Variants in BCAS3 observed in about 807,000 individuals in gnomAD.
The protein encoded by BCAS3 is BCAS3 microtubule associated cell migration factor.
A neutral mutation model predicts 116.1 loss-of-function variants in BCAS3; 53 were observed. The observed-to-expected ratio is 0.46, with a 90% CI of 0.37 to 0.57. The LOEUF (loss-of-function observed/expected upper bound fraction) is 0.57, where lower values mean the gene tolerates loss of function less well. BCAS3 is among the 20% of genes least tolerant of loss of function. BCAS3 has a pLI of 0.00. For synonymous variants in BCAS3, 391 were observed against 408.2 expected (o/e 0.96, Z 0.51); for missense variants, 917 against 1,165.4 (o/e 0.79, Z 3.10).
At chr17:60,872,439 G>GTA in intron 8 of BCAS3, among the ~76,000 whole-genome samples, 1 of 144,978 alleles carries the variant, frequency 6.9e-6, no homozygotes. Context: ...ATATCTGTAT[G>GTA]TATATATACA....
chr17:61,354,901 G>T lies in BCAS3; in HGVS notation c.2426-13426G>T, dbSNP rs1444847849. 6.6e-6 allele frequency: 1 copy of T among 152,294 alleles called. No homozygotes were observed. The allele number at this position is 152,294 out of a possible 1,614,324, so 9.4% of individuals were successfully genotyped here. ...CTCCAGTACCGGCAGGCACATCCGGGACCCTCCCCTTCAGGGCAGGTGGAC... is the reference window on the plus strand; with the variant it reads ...CTCCAGTACCGGCAGGCACATCCGGTACCCTCCCCTTCAGGGCAGGTGGAC... On this transcript the variant is annotated intron_variant, in intron 22 of 23. Transcript: ENST00000407086. The surrounding 1 kb of genome is among the most constrained non-coding windows in gnomAD (Gnocchi z 4.5).
At chr17:61,064,518 G>A (rs755934943) in intron 19 of BCAS3, among the ~76,000 whole-genome samples, 2 of 152,090 alleles carry the variant, frequency 1.3e-5, no homozygotes, top group African/African-American at 4.8e-5. Context: ...TGACCTCTTG[G>A]TAGCAGGAAC....
rs74339135 is a variant in BCAS3, at chr17:61,106,646, A to G, written c.2425+22082A>G. ...ACTGGGGGTCTTGGAACGTATCCCC[A>G]TAGATAAGGAGCGGGGGACAGTTGT... On this transcript the variant is annotated intron_variant, in intron 22 of 23. Coordinates refer to ENST00000407086, the MANE Select transcript of BCAS3 (RefSeq NM_017679.5). The surrounding 1 kb of genome is among the most constrained non-coding windows in gnomAD (Gnocchi z 4.2). 0.019 allele frequency among the ~76,000 whole-genome samples: 2,942 copies of G among 152,320 alleles called. 96 individuals are homozygous for G. Among genetic ancestry groups the G allele is most frequent in the African/African-American group, 0.066 (2,736 of 41,568 alleles).
At chr17:61,045,883 A>AT (rs534100732) in intron 19 of BCAS3, among the ~76,000 whole-genome samples, 56 of 44,202 alleles carry the variant, frequency 1.3e-3, no homozygotes, top group South Asian at 2.8e-3. Context: ...ATAAATATAT[A>AT]TTATATATAT....
intron 13 of BCAS3, among the ~76,000 whole-genome samples, chr17:60,936,887 G>T (rs554030571): frequency 2.5e-4 from 38 of 152,070 alleles, no homozygotes; most frequent in Non-Finnish European, 2.6e-4. Context: ...GTCAGTTTTG[G>T]CTTTTGTTGC....
intron 14 of BCAS3, among the ~76,000 whole-genome samples, chr17:60,966,355 T>C (rs2061660257): frequency 6.6e-6 from 1 of 152,242 alleles, no homozygotes; most frequent in Non-Finnish European, 1.5e-5. Flanking sequence ...AAGAAGATAC[T>C]ACTGCCATTC....
At chr17:60,760,623 A>G (rs1251297112) in intron 6 of BCAS3, among the ~76,000 whole-genome samples, 4 of 128,254 alleles carry the variant, frequency 3.1e-5, no homozygotes, top group African/African-American at 2.0e-4. Flanking sequence ...AAATGCTTTC[A>G]CTTGCTACAC....
Position 60,689,667 on chromosome 17 carries a change from G to A in BCAS3, c.139-19G>A, listed in dbSNP as rs369736992. The A allele has an allele frequency of 9.0e-5, 139 of 1,545,988 alleles. No individual in the cohort carries two copies. Among genetic ancestry groups the A allele is most frequent in the African/African-American group, 8.9e-4 (65 of 72,974 alleles). On this transcript the variant is annotated intron_variant, in intron 3 of 23. Coordinates refer to ENST00000407086, the MANE Select transcript of BCAS3 (RefSeq NM_017679.5). ...AGCTGTAAAATATGTTTATTCAAATGTTTCTGTTTACTATGCAGGCTTACA... is the reference window on the plus strand; with the variant it reads ...AGCTGTAAAATATGTTTATTCAAATATTTCTGTTTACTATGCAGGCTTACA...
intron 15 of BCAS3, 38 bp from the exon 16 acceptor site, chr17:61,015,713 T>G (rs1568126185): frequency 8.1e-6 from 13 of 1,607,860 alleles, no homozygotes; most frequent in Non-Finnish European, 9.4e-6. Flanking sequence ...ATAGAGAACC[T>G]TCCTCAGTGA....
intron 19 of BCAS3, among the ~76,000 whole-genome samples, chr17:61,054,000 A>G (rs1343468403): frequency 6.6e-6 from 1 of 152,222 alleles, no homozygotes; most frequent in African/African-American, 2.4e-5. Context: ...AATATTATGA[A>G]ATTAAAGTTT....
At chr17:60,865,712 G>T (rs749198375) in intron 7 of BCAS3, among the ~76,000 whole-genome samples, 1 of 152,100 alleles carries the variant, frequency 6.6e-6, no homozygotes, top group Non-Finnish European at 1.5e-5. Flanking sequence ...ATCTGTGATG[G>T]TTTTATTTCT....
chr17:60,976,651 A>G (rs1210839588), intron 14 of BCAS3, among the ~76,000 whole-genome samples: 1 of 152,092 alleles, frequency 6.6e-6, no homozygotes, highest in Non-Finnish European at 1.5e-5. Flanking sequence ...CTTAAGGAGT[A>G]TGCTGCCTTC....
chr17:60,775,426 G>C (rs1952395370), intron 6 of BCAS3, among the ~76,000 whole-genome samples: 2 of 152,244 alleles, frequency 1.3e-5, no homozygotes, highest in Middle Eastern at 3.4e-3. Flanking sequence ...TTAACAACAA[G>C]AAGTGTGGGC....
intron 5 of BCAS3, among the ~76,000 whole-genome samples, chr17:60,738,654 ATC>A (rs1179191260): frequency 6.6e-6 from 1 of 151,954 alleles, no homozygotes; most frequent in Non-Finnish European, 1.5e-5. Context: ...CGTTTTCACA[ATC>A]TCTGTTGTTT....
intron 7 of BCAS3, among the ~76,000 whole-genome samples, chr17:60,813,680 G>A (rs901087877): frequency 1.2e-4 from 18 of 152,130 alleles, no homozygotes; most frequent in African/African-American, 3.9e-4. Context: ...GTTCCCAATT[G>A]TCGATTTTGT....
chr17:61,035,312 G>T (rs147447539), intron 17 of BCAS3, among the ~76,000 whole-genome samples: 1 of 152,064 alleles, frequency 6.6e-6, no homozygotes, highest in Non-Finnish European at 1.5e-5. Context: ...AAGGCCAGTC[G>T]CAGTGGCTCA....
chr17:61,051,182 T>C lies in BCAS3; in HGVS notation c.2029+10290T>C, dbSNP rs952334975. ...ACACGTTTGATGACCCTCAAGAAAA[T>C]TAAAAGCCCATCTCCAAAGTTTCCA... is the stretch of plus-strand genomic sequence containing the variant. On this transcript the variant is annotated intron_variant, in intron 19 of 23. Transcript: ENST00000407086. The surrounding 1 kb of genome is among the most constrained non-coding windows in gnomAD (Gnocchi z 4.1). 2.0e-5 allele frequency among the ~76,000 whole-genome samples: 3 copies of C among 151,780 alleles called. No homozygotes were observed. The highest frequency in any genetic ancestry group is 2.4e-5 in the African/African-American group (1 of 41,404).
Position 61,068,337 on chromosome 17 carries a change from A to G in BCAS3, c.2030-6583A>G, listed in dbSNP as rs2070950575. Among the ~76,000 whole-genome samples, 1 of 152,172 alleles carries G rather than the reference A, an allele frequency of 6.6e-6. No individual in the cohort carries two copies. The highest frequency in any genetic ancestry group is 1.5e-5 in the Non-Finnish European group (1 of 68,020). On this transcript the variant is annotated intron_variant, in intron 19 of 23. Coordinates refer to ENST00000407086, the MANE Select transcript of BCAS3 (RefSeq NM_017679.5). This position sits in a 1 kb window ranked among gnomAD's most constrained non-coding sequence, Gnocchi z 4.3. ...TACATCTAAATTCTCTAGGGTGTTC[A>G]GGGTATAAAAGTATGAGGTAAGGGA...
intron 10 of BCAS3, among the ~76,000 whole-genome samples, chr17:60,892,599 G>A (rs906811935): frequency 6.7e-6 from 1 of 149,472 alleles, no homozygotes; most frequent in African/African-American, 2.4e-5. Flanking sequence ...ATGAGCCCCA[G>A]CGTCCGGCCG....
Sources: allele counts gnomAD v4.1 joint callset (sites outside exome capture counted in the v4.1 genomes callset), GRCh38; gene constraint gnomAD v4.1.1; non-coding constraint Gnocchi (gnomAD v3.1); transcripts MANE v1.5; gene names NCBI Gene and HGNC (gene_info 2026-07-23, HGNC 2026-07-21).